The following EML1 variants were observed in gnomAD, a reference collection of about 807,000 sequenced individuals.
EML1 encodes echinoderm microtubule-associated protein-like 1.
Under a neutral mutation model 110.4 loss-of-function variants are expected in EML1, and 27 were observed. That is an observed-to-expected ratio of 0.24 (90% CI 0.18 to 0.34). The LOEUF is 0.34. Ranked by LOEUF, EML1 falls within the 10% of genes least tolerant of loss-of-function variation. The pLI, the probability that EML1 is intolerant of heterozygous loss-of-function variation, is 1.00. For synonymous variants in EML1, 344 were observed against 385.8 expected, an observed-to-expected ratio of 0.89 and a Z score of 1.27; for missense variants, 741 against 1,030.9, an observed-to-expected ratio of 0.72 and a Z score of 3.85.
intron 1 of EML1, among the ~76,000 whole-genome samples, chr14:99,754,797 C>T (rs546943760): frequency 2.0e-4 from 30 of 152,244 alleles, no homozygotes; most frequent in African/African-American, 6.3e-4. Context: ...ATGGAGCCCA[C>T]GCAGTGCTGG....
intron 1 of EML1, among the ~76,000 whole-genome samples, chr14:99,761,547 T>A (rs9324015): frequency 0.15 from 22,989 of 151,954 alleles, 1,875 homozygotes; most frequent in South Asian, 0.25. Context: ...AATTTGTGGG[T>A]GACACCGAGC....
intron 9 of EML1, 166 bp from the exon 10 acceptor site, chr14:99,907,472 A>AAAAG (rs1048148550): frequency 2.5e-5 from 16 of 649,098 alleles, no homozygotes; most frequent in Middle Eastern, 3.8e-4. Flanking sequence ...TGTCTCCAGA[A>AAAAG]AAAGAAAGAA....
intron 1 of EML1, among the ~76,000 whole-genome samples, chr14:99,844,542 A>G (rs1232293846): frequency 7.1e-6 from 1 of 141,104 alleles, no homozygotes; most frequent in Non-Finnish European, 1.6e-5. Flanking sequence ...TGCTCATAAA[A>G]TTACTTTATT....
chr14:99,855,127 G>A (rs948801753), intron 2 of EML1, among the ~76,000 whole-genome samples: 1 of 152,238 alleles, frequency 6.6e-6, no homozygotes. Flanking sequence ...AAATGCTTAC[G>A]CATTACATTG....
chr14:99,755,246 C>A (rs930866909), intron 1 of EML1, among the ~76,000 whole-genome samples: 4 of 152,190 alleles, frequency 2.6e-5, no homozygotes, highest in African/African-American at 9.6e-5. Flanking sequence ...GGAGATGGAC[C>A]GTGGAGGACA....
intron 1 of EML1, among the ~76,000 whole-genome samples, chr14:99,742,987 C>A (rs1030142981): frequency 1.9e-4 from 29 of 152,182 alleles, no homozygotes; most frequent in African/African-American, 6.8e-4. Flanking sequence ...TCAGCAGCAT[C>A]CAGCGACCTC....
In EML1 at chr14:99,874,280, T is replaced by G. The variant is rs2059252611; in HGVS notation, c.384-4205T>G. 2.0e-5 allele frequency among the ~76,000 whole-genome samples: 3 copies of G among 152,236 alleles called. No homozygotes were observed. The South Asian group carries it at 6.2e-4, about 32-fold the overall frequency. On this transcript the variant is annotated intron_variant, in intron 3 of 21. Coordinates refer to ENST00000262233, the MANE Select transcript of EML1 (RefSeq NM_004434.3). ...ATAAAGAACCATTTATTTTCATAACTTACAAGGTTGCAGGTTTGGGTGTGC... is the reference window on the plus strand; with the variant it reads ...ATAAAGAACCATTTATTTTCATAACGTACAAGGTTGCAGGTTTGGGTGTGC...
chr14:99,829,691 T>C (rs892504694), intron 1 of EML1, among the ~76,000 whole-genome samples: 2 of 152,204 alleles, frequency 1.3e-5, no homozygotes, highest in South Asian at 4.1e-4. Flanking sequence ...ATTTGCCTAC[T>C]CTGTGTATCT....
chr14:99,838,873 A>G (rs2058581548), intron 1 of EML1, among the ~76,000 whole-genome samples: 1 of 146,240 alleles, frequency 6.8e-6, no homozygotes, highest in African/African-American at 2.8e-5. Flanking sequence ...AGTTTCTGAC[A>G]GAAACAAGAG....
At chr14:99,778,019 C>T (rs1449944028) in intron 1 of EML1, among the ~76,000 whole-genome samples, 1 of 152,130 alleles carries the variant, frequency 6.6e-6, no homozygotes, top group African/African-American at 2.4e-5. Context: ...GTCTCGAACT[C>T]CTGGACTCAA....
chr14:99,738,131 A>G (rs1441091737), intron 1 of EML1, among the ~76,000 whole-genome samples: 1 of 152,326 alleles, frequency 6.6e-6, no homozygotes, highest in Admixed American at 6.5e-5. Context: ...CCGGGGCCAG[A>G]GCTGACCCAG....
intron 1 of EML1, among the ~76,000 whole-genome samples, chr14:99,742,782 G>A (rs986146403): frequency 7.2e-5 from 11 of 152,094 alleles, no homozygotes; most frequent in Non-Finnish European, 1.5e-4. Flanking sequence ...TCCGAGCCTC[G>A]GCGGTCTCAT....
chr14:99,900,764 C>T (rs746266446), intron 8 of EML1, among the ~76,000 whole-genome samples, 165 bp from the exon 9 acceptor site: 5 of 152,126 alleles, frequency 3.3e-5, no homozygotes, highest in African/African-American at 4.8e-5. Flanking sequence ...CTGAAGTCAT[C>T]GGGAATGTTT....
At chr14:99,835,198 T>G (rs7146786) in intron 1 of EML1, among the ~76,000 whole-genome samples, 103,340 of 151,952 alleles carry the variant, frequency 0.68, 35,234 homozygotes, top group Non-Finnish European at 0.7. Flanking sequence ...ATGAGCTTTG[T>G]TACTTTTTTT....
chr14:99,807,529 A>C (rs1035664391), intron 1 of EML1, among the ~76,000 whole-genome samples: 16 of 152,228 alleles, frequency 1.1e-4, no homozygotes, highest in Admixed American at 1.0e-3. Context: ...CAGCAGGCAC[A>C]GTCCCACCCT....
At chr14:99,932,128 C>G (rs1040222807) in intron 17 of EML1, among the ~76,000 whole-genome samples, 1 of 152,184 alleles carries the variant, frequency 6.6e-6, no homozygotes, top group African/African-American at 2.4e-5. Flanking sequence ...CCTGGGCCAT[C>G]TTTTCGTGCC....
chr14:99,912,076 G>A (rs979147281), intron 13 of EML1, among the ~76,000 whole-genome samples: 1 of 151,652 alleles, frequency 6.6e-6, no homozygotes, highest in Non-Finnish European at 1.5e-5. Context: ...TTGTAATTTT[G>A]TAGAGATGTT....
chr14:99,753,666 C>T (rs899366117), intron 1 of EML1, among the ~76,000 whole-genome samples: 4 of 152,150 alleles, frequency 2.6e-5, no homozygotes, highest in Non-Finnish European at 4.4e-5. Flanking sequence ...CGTCTGAGGG[C>T]AGGGTCGGTG....
At chr14:99,910,211 A>G (rs1452968104) in intron 11 of EML1, 31 bp from the exon 12 acceptor site, 24 of 1,418,170 alleles carry the variant, frequency 1.7e-5, no homozygotes, top group Non-Finnish European at 2.2e-5. Flanking sequence ...TGGATTAAAT[A>G]TATATATAAT....
Sources: allele counts gnomAD v4.1 joint callset (sites outside exome capture counted in the v4.1 genomes callset), GRCh38; gene constraint gnomAD v4.1.1; transcripts MANE v1.5; gene names NCBI Gene and HGNC (gene_info 2026-07-23, HGNC 2026-07-21).